The following CDC14B variants were observed in gnomAD, a reference collection of about 807,000 sequenced individuals.
The protein encoded by CDC14B is dual specificity protein phosphatase CDC14B.
In CDC14B, 22 loss-of-function variants were observed where a neutral mutation model predicts 64.2. That is an observed-to-expected ratio of 0.34 (90% CI 0.24 to 0.49). The LOEUF (loss-of-function observed/expected upper bound fraction) is 0.49. Among genes scored for constraint, CDC14B ranks in the 20% least tolerant of loss-of-function variants. The pLI, the probability that CDC14B is intolerant of heterozygous loss-of-function variation, is 0.99. For missense variants in CDC14B, 498 were observed against 629.9 expected, an observed-to-expected ratio of 0.79 and a Z score of 2.24; for synonymous variants, 191 against 215.8, an observed-to-expected ratio of 0.89 and a Z score of 1.01.
intron 4 of CDC14B, among the ~76,000 whole-genome samples, chr9:96,560,498 T>C (rs1160946568): frequency 1.3e-5 from 2 of 152,118 alleles, no homozygotes; most frequent in African/African-American, 2.4e-5. Context: ...ACTGGCCAAG[T>C]AATAGGACCA....
chr9:96,612,146 G>A (rs1040502090), intron 1 of CDC14B, among the ~76,000 whole-genome samples: 4 of 152,096 alleles, frequency 2.6e-5, no homozygotes, highest in East Asian at 3.8e-4. Context: ...TGATCACCAC[G>A]GCACCAAACC....
chr9:96,583,758 G>A (rs1366093857), intron 1 of CDC14B, among the ~76,000 whole-genome samples: 1 of 151,334 alleles, frequency 6.6e-6, no homozygotes, highest in Non-Finnish European at 1.5e-5. Flanking sequence ...TCGCTCTGTC[G>A]CCCAGGCTGG....
chr9:96,522,715 G>C (rs1220626492), intron 11 of CDC14B, 112 bp from the exon 12 acceptor site: 2 of 710,574 alleles, frequency 2.8e-6, no homozygotes, highest in South Asian at 1.6e-5. Flanking sequence ...GCAAGCTCTA[G>C]AATATTTTTC....
At chr9:96,603,293 CTT>C (rs1369557619) in intron 1 of CDC14B, among the ~76,000 whole-genome samples, 1 of 151,842 alleles carries the variant, frequency 6.6e-6, no homozygotes, top group Non-Finnish European at 1.5e-5. Flanking sequence ...GTTGTTTACT[CTT>C]TTGTTATCTT....
chr9:96,619,204 C>T lies in CDC14B; in HGVS notation c.160+15G>A. On this transcript the variant is annotated intron_variant, in intron 1 of 13. Transcript: ENST00000375241. Reference sequence around the variant, plus strand: ...GGCCGTCCGGGGCCCTCCGCGCGCCCACTGGCCGGCTCACCGGTGATGTCC... The same window carrying T: ...GGCCGTCCGGGGCCCTCCGCGCGCCTACTGGCCGGCTCACCGGTGATGTCC... The T allele has an allele frequency of 7.9e-7, 1 of 1,270,082 alleles. No individual in the cohort carries two copies. Among genetic ancestry groups the T allele is most frequent in the Non-Finnish European group, 1.0e-6 (1 of 1,003,956 alleles). The allele number at this position is 1,270,082 out of a possible 1,614,324, so 78.7% of individuals were successfully genotyped here. A position where few individuals can be genotyped will look rare whatever the true frequency, so the allele number is the denominator to read the frequency against.
chr9:96,583,874 A>G (rs1845319826), intron 1 of CDC14B, among the ~76,000 whole-genome samples: 1 of 152,032 alleles, frequency 6.6e-6, no homozygotes, highest in Non-Finnish European at 1.5e-5. Context: ...GTCTACCACC[A>G]TGCCCAGCTA....
chr9:96,522,001 T>G (rs1186147646), intron 12 of CDC14B, among the ~76,000 whole-genome samples: 1 of 152,218 alleles, frequency 6.6e-6, no homozygotes, highest in Non-Finnish European at 1.5e-5. Flanking sequence ...TTTCCTATTC[T>G]CAGGCTAAAT....
intron 5 of CDC14B, among the ~76,000 whole-genome samples, chr9:96,546,994 G>A (rs1324299935): frequency 5.9e-5 from 9 of 152,074 alleles, no homozygotes; most frequent in East Asian, 2.0e-4. Context: ...CCCAGGAGGC[G>A]GAGCTTGCCG....
At chr9:96,523,859 CT>C in intron 9 of CDC14B, 134 bp from the exon 10 acceptor site, 1 of 820,508 alleles carries the variant, frequency 1.2e-6, no homozygotes, top group East Asian at 2.7e-5. Context: ...GCTGGTTACA[CT>C]CTGGAATCAC....
chr9:96,518,915 T>C (rs540315111), intron 12 of CDC14B, among the ~76,000 whole-genome samples: 2 of 152,138 alleles, frequency 1.3e-5, no homozygotes, highest in South Asian at 2.1e-4. Flanking sequence ...GGTGGGCAGA[T>C]CACGAGGTCA....
intron 13 of CDC14B, among the ~76,000 whole-genome samples, chr9:96,505,432 A>G (rs1424460530): frequency 6.6e-6 from 1 of 152,236 alleles, no homozygotes; most frequent in East Asian, 1.9e-4. Flanking sequence ...AAGAAACAGC[A>G]TAAGCTAACA....
At chr9:96,562,855 TGAA>T (rs747456039) in intron 3 of CDC14B, 70 bp from the exon 4 acceptor site, 6 of 1,009,908 alleles carry the variant, frequency 5.9e-6, no homozygotes, top group Non-Finnish European at 9.4e-6. Context: ...CATTTTGTGA[TGAA>T]GATCAATTCC....
intron 4 of CDC14B, among the ~76,000 whole-genome samples, chr9:96,555,038 T>G (rs540398625): frequency 6.6e-6 from 1 of 152,160 alleles, no homozygotes; most frequent in Non-Finnish European, 1.5e-5. Flanking sequence ...AATTCCACAG[T>G]GCTAGTTAAG....
intron 13 of CDC14B, among the ~76,000 whole-genome samples, chr9:96,505,368 G>A (rs1833977678): frequency 6.6e-6 from 1 of 152,102 alleles, no homozygotes; most frequent in African/African-American, 2.4e-5. Context: ...GTACATGCCA[G>A]TTTCTTAGAA....
chr9:96,526,086 G>A (rs1770610429), intron 9 of CDC14B, among the ~76,000 whole-genome samples: 1 of 152,156 alleles, frequency 6.6e-6, no homozygotes, highest in Admixed American at 6.6e-5. Context: ...AAAAGAGATA[G>A]GCCGGGTGCG....
At chr9:96,576,894 C>G (rs1046515759) in intron 1 of CDC14B, among the ~76,000 whole-genome samples, 4 of 152,080 alleles carry the variant, frequency 2.6e-5, no homozygotes, top group Non-Finnish European at 5.9e-5. Flanking sequence ...ACAAGGAGAT[C>G]TCAACAAATT....
At chr9:96,594,451 G>C (rs1435026601) in intron 1 of CDC14B, among the ~76,000 whole-genome samples, 1 of 152,012 alleles carries the variant, frequency 6.6e-6, no homozygotes, top group Non-Finnish European at 1.5e-5. Context: ...CGCAGTTGGT[G>C]CACACCTGTA....
chr9:96,619,113 T>G, intron 1 of CDC14B, 106 bp downstream of exon 1: 1 of 922,934 alleles, frequency 1.1e-6, no homozygotes, highest in Non-Finnish European at 1.4e-6. Context: ...GCGAAGGCAT[T>G]TCGGCCCGGC....
chr9:96,565,492 GA>G lies in CDC14B; in HGVS notation c.161-10del. The stretch of plus-strand genomic sequence containing the variant: ...GGCAAAACAAAGGCGATCTGAAATG[GA>G]AAAATTGCAATGTTCCTTCCTGGAG... On this transcript the variant is annotated splice_polypyrimidine_tract_variant and intron_variant, in intron 1 of 13. Transcript: ENST00000375241. The G allele has an allele frequency of 6.3e-7, 1 of 1,577,782 alleles. No individual in the cohort carries two copies. Among genetic ancestry groups the G allele is most frequent in the Non-Finnish European group, 8.7e-7 (1 of 1,147,092 alleles).
Sources: gnomAD v4.1 joint callset for allele counts (sites outside exome capture counted in the v4.1 genomes callset) on GRCh38, gnomAD v4.1.1 for gene constraint, MANE v1.5 for transcripts, NCBI Gene and HGNC (gene_info 2026-07-23, HGNC 2026-07-21) for gene names.